The following CCAR1 variants were observed in gnomAD, a reference collection of about 807,000 sequenced individuals.
CCAR1 encodes the protein cell division cycle and apoptosis regulator 1, also known as cell division cycle and apoptosis regulator protein 1.
Under a neutral mutation model 163.8 loss-of-function variants are expected in CCAR1, and 78 were observed. The observed-to-expected ratio is 0.48, with a 90% CI of 0.40 to 0.57. The LOEUF (loss-of-function observed/expected upper bound fraction) is 0.57, where lower values mean the gene tolerates loss of function less well. Among genes scored for constraint, CCAR1 ranks in the 20% least tolerant of loss-of-function variants. CCAR1 has a pLI of 0.00. For missense variants in CCAR1, 1,019 were observed against 1,365.2 expected (o/e 0.75, Z 4.00); for synonymous variants, 443 against 460.7 (o/e 0.96, Z 0.49).
chr10:68,746,449 T>A (rs2056257091), intron 6 of CCAR1, among the ~76,000 whole-genome samples: 1 of 152,054 alleles, frequency 6.6e-6, no homozygotes, highest in Non-Finnish European at 1.5e-5. Context: ...AGGCTGGTCT[T>A]GAACTCCTGA....
intron 17 of CCAR1, among the ~76,000 whole-genome samples, 169 bp downstream of exon 17, chr10:68,766,248 G>T (rs959778470): frequency 3.5e-4 from 53 of 151,572 alleles, no homozygotes; most frequent in African/African-American, 1.2e-3. Flanking sequence ...TGTTACCCAT[G>T]CTGGAGTGCA....
In CCAR1 at chr10:68,760,889, A is replaced by C. The variant is rs893773140; in HGVS notation, c.1921-118A>C. ...AAAAAAAACAAAAAACAAAAAAAAA[A>C]AAAACACACAAAATATAATTGTTAA... On this transcript the variant is annotated intron_variant, in intron 15 of 24. Transcript: ENST00000265872. The C allele has an allele frequency of 1.6e-4, 66 of 418,192 alleles. 1 individual carries two copies. The highest frequency in any genetic ancestry group is 3.3e-4 in the African/African-American group (16 of 48,130). The allele number at this position is 418,192 out of a possible 1,614,324, so 25.9% of individuals were successfully genotyped here.
intron 2 of CCAR1, among the ~76,000 whole-genome samples, chr10:68,723,915 T>C (rs564193690): frequency 6.6e-6 from 1 of 152,020 alleles, no homozygotes; most frequent in African/African-American, 2.4e-5. Flanking sequence ...TCCCAGCACT[T>C]TGGGAGGCTG....
intron 15 of CCAR1, among the ~76,000 whole-genome samples, chr10:68,759,688 C>T (rs1015180549): frequency 2.0e-5 from 3 of 151,890 alleles, no homozygotes; most frequent in Non-Finnish European, 2.9e-5. Context: ...GAGCTGTGAG[C>T]CATGAGCCAT....
At chr10:68,744,549 C>A (rs553615397) in intron 6 of CCAR1, among the ~76,000 whole-genome samples, 1 of 152,266 alleles carries the variant, frequency 6.6e-6, no homozygotes, top group Admixed American at 6.5e-5. Flanking sequence ...TTAAAAGTTC[C>A]TTTTCCATAT....
chr10:68,780,134 A>T (rs2056718126), intron 19 of CCAR1, among the ~76,000 whole-genome samples: 1 of 152,176 alleles, frequency 6.6e-6, no homozygotes, highest in South Asian at 2.1e-4. Context: ...AATAATGTGG[A>T]TTATATTGTG....
chr10:68,789,717 T>C lies in CCAR1; in HGVS notation c.3195T>C (p.Asp1065=). The C allele has an allele frequency of 1.3e-6, 2 of 1,561,738 alleles. No homozygotes were observed. The highest frequency in any genetic ancestry group is 1.7e-6 in the Non-Finnish European group (2 of 1,159,420). Residue 1065 remains aspartate (D), a synonymous_variant, in exon 24 of 25, where the codon GAT becomes GAC. Coordinates refer to ENST00000265872, the MANE Select transcript of CCAR1 (RefSeq NM_018237.4). ...TTGGATTTTTTTAAACAGATGAAGA[T>C]GAAAAAACCATATTAAATTTGGAGA... The part of the protein sequence containing the change: ...LQLLEEKTDE[D]EKTILNLENS...
intron 6 of CCAR1, 100 bp from the exon 7 acceptor site, chr10:68,747,061 T>G: frequency 1.6e-6 from 1 of 609,552 alleles, no homozygotes; most frequent in Non-Finnish European, 2.8e-6. Flanking sequence ...TTTTTTGAGA[T>G]ATGGTTTACT....
In CCAR1 at chr10:68,786,756, G is replaced by C. The variant is rs560653154; in HGVS notation, c.2880+64G>C. 39 of 1,389,504 alleles carry C rather than the reference G, an allele frequency of 2.8e-5. No individual in the cohort carries two copies. The African/African-American group carries it at 4.9e-4, about 17-fold the overall frequency. The allele number at this position is 1,389,504 out of a possible 1,614,324, so 86.1% of individuals were successfully genotyped here. A position where few individuals can be genotyped will look rare whatever the true frequency, so the allele number is the denominator to read the frequency against. ...TTAAAAGTTACCTTTCCAGTGAAAA[G>C]TTAATAGAACCTCTGTTGACTTTTT... is the stretch of plus-strand genomic sequence containing the variant. On this transcript the variant is annotated intron_variant, in intron 21 of 24. Transcript: ENST00000265872.
intron 18 of CCAR1, among the ~76,000 whole-genome samples, chr10:68,771,769 C>T (rs1030684831): frequency 5.9e-5 from 9 of 151,816 alleles, no homozygotes; most frequent in Admixed American, 4.6e-4. Flanking sequence ...GGTGACATAG[C>T]GAGACTCCAT....
rs2056857691 is a variant in CCAR1, at chr10:68,792,176, T to G, written c.*910T>G. 6.6e-6 allele frequency: 1 copy of G among 152,120 alleles called. No homozygotes were observed. The highest frequency in any genetic ancestry group is 1.5e-5 in the Non-Finnish European group (1 of 68,018). 9.4% of individuals were successfully genotyped at this position (152,120 alleles called of 1,614,324 possible). On this transcript the variant is annotated 3_prime_UTR_variant, in exon 25 of 25. Transcript: ENST00000265872. ...TCTTTATGGGTTAGACTTTACATAA[T>G]ATTAGTTGTCCTGATGTCAATGTTA...
chr10:68,726,295 G>T (rs2055945408), intron 2 of CCAR1, among the ~76,000 whole-genome samples: 1 of 152,022 alleles, frequency 6.6e-6, no homozygotes, highest in African/African-American at 2.4e-5. Flanking sequence ...GGGACTATAG[G>T]CGTGTGGCAG....
intron 15 of CCAR1, among the ~76,000 whole-genome samples, chr10:68,758,598 C>CAT (rs1393672733): frequency 5.7e-5 from 8 of 140,194 alleles, no homozygotes; most frequent in Non-Finnish European, 1.1e-4. Context: ...TGTACACACA[C>CAT]ATATATATAC....
chr10:68,771,590 C>T (rs2056602938), intron 18 of CCAR1, 145 bp downstream of exon 18: 2 of 771,592 alleles, frequency 2.6e-6, no homozygotes, highest in Non-Finnish European at 4.2e-6. Context: ...GAGACCATCA[C>T]AGCTAACACA....
At position 68,770,917 on chromosome 10, in the gene CCAR1, A is replaced by T. The variant is rs191747379; in HGVS notation, c.2299-289A>T. On this transcript the variant is annotated intron_variant, in intron 17 of 24. Coordinates refer to ENST00000265872, the MANE Select transcript of CCAR1 (RefSeq NM_018237.4). ...ATGGTGAAACCCTGTCTCTACTAAA[A>T]ATACAAAAAAATTAGCCGGGCGTGG... 2.7e-3 allele frequency among the ~76,000 whole-genome samples: 418 copies of T among 152,130 alleles called. 3 individuals carry two copies. Among genetic ancestry groups the T allele is most frequent in the African/African-American group, 9.4e-3 (390 of 41,498 alleles).
At chr10:68,747,909 A>C (rs2056278687) in intron 8 of CCAR1, among the ~76,000 whole-genome samples, 1 of 152,100 alleles carries the variant, frequency 6.6e-6, no homozygotes, top group Non-Finnish European at 1.5e-5. Flanking sequence ...GCTGGAGTGC[A>C]GTGGTGCAAT....
Position 68,753,881 on chromosome 10 carries a change from G to A in CCAR1, c.1148G>A (p.Arg383His), listed in dbSNP as rs779871042. The stretch of plus-strand genomic sequence containing the variant: ...AGTTGTGACATGATGGAACTAAGGC[G>A]CCGTTATCAAAATTTGTATATACCT... ...CPSCDMMELRRRYQNLYIPSD... is the reference protein window; with the variant it reads ...CPSCDMMELRHRYQNLYIPSD... Residue 383 changes from arginine (R) to histidine (H), a missense_variant, in exon 11 of 25, where the codon CGC (arginine) becomes CAC (histidine). By Grantham distance (29) the Arg-to-His change is conservative. Coordinates refer to ENST00000265872, the MANE Select transcript of CCAR1 (RefSeq NM_018237.4). 8 of 1,613,550 alleles carry A rather than the reference G, an allele frequency of 5.0e-6. No homozygotes were observed. Among genetic ancestry groups the A allele is most frequent in the African/African-American group, 2.7e-5 (2 of 74,886 alleles).
chr10:68,771,627 C>T (rs537601170), intron 18 of CCAR1, among the ~76,000 whole-genome samples, 182 bp downstream of exon 18: 1 of 151,940 alleles, frequency 6.6e-6, no homozygotes, highest in African/African-American at 2.4e-5. Flanking sequence ...ACTAAAGATC[C>T]AAAAAATTAG....
At position 68,789,692 on chromosome 10, in the gene CCAR1, T is replaced by C. The variant is rs751983877; in HGVS notation, c.3188-18T>C. 3 of 1,442,992 alleles carry C rather than the reference T, an allele frequency of 2.1e-6. No individual in the cohort carries two copies. In the African/African-American group the frequency reaches 4.3e-5, roughly 21 times the overall value. 89.4% of individuals were successfully genotyped at this position (1,442,992 alleles called of 1,614,324 possible). On this transcript the variant is annotated intron_variant, in intron 23 of 24. Coordinates refer to ENST00000265872, the MANE Select transcript of CCAR1 (RefSeq NM_018237.4). Reference sequence around the variant, plus strand: ...ATTTTAGGAAGTAAAATGTTAATTTTTGGATTTTTTTAAACAGATGAAGAT... The same window carrying C: ...ATTTTAGGAAGTAAAATGTTAATTTCTGGATTTTTTTAAACAGATGAAGAT...
Sources: allele counts gnomAD v4.1 joint callset (sites outside exome capture counted in the v4.1 genomes callset), GRCh38; gene constraint gnomAD v4.1.1; transcripts MANE v1.5; gene names NCBI Gene and HGNC (gene_info 2026-07-23, HGNC 2026-07-21).